The following SNRPN variants were observed in gnomAD, a reference collection of about 807,000 sequenced individuals.
SNRPN encodes the protein small nuclear ribonucleoprotein-associated protein N.
In SNRPN, 7 loss-of-function variants were observed where a neutral mutation model predicts 25.2. That is an observed-to-expected ratio of 0.28 (90% confidence interval 0.16 to 0.52). SNRPN has a LOEUF of 0.52. Ranked by LOEUF, SNRPN falls within the 20% of genes least tolerant of loss-of-function variation. SNRPN has a pLI of 0.96. For missense variants in SNRPN, 196 were observed against 322.5 expected (o/e 0.61, Z 3.00); for synonymous variants, 124 against 110.6 (o/e 1.12, Z -0.76).
chr15:24,871,656 T>C (rs1326895851), intron 1 of SNRPN, among the ~76,000 whole-genome samples: 1 of 151,978 alleles, frequency 6.6e-6, no homozygotes, highest in Non-Finnish European at 1.5e-5. Flanking sequence ...GACAATCTTT[T>C]ATATATTCTG....
intron 3 of SNRPN, among the ~76,000 whole-genome samples, chr15:24,948,342 G>A (rs2153174033): frequency 6.6e-6 from 1 of 152,174 alleles, no homozygotes; most frequent in Non-Finnish European, 1.5e-5. Context: ...TGAATCTCCT[G>A]ACCTCGTGAT....
chr15:24,837,536 T>C (rs1254694595), intron 2 of SNRPN, among the ~76,000 whole-genome samples: 3 of 151,222 alleles, frequency 2.0e-5, no homozygotes, highest in African/African-American at 4.9e-5. Context: ...GCCTGGCTAA[T>C]TTTTTTGTAT....
intron 3 of SNRPN, among the ~76,000 whole-genome samples, chr15:24,940,708 G>T (rs2061498854): frequency 1.3e-5 from 2 of 152,228 alleles, no homozygotes; most frequent in African/African-American, 4.8e-5. Context: ...GCTGTAGGCG[G>T]TGTCTAAGGC....
chr15:24,938,975 A>G (rs1400974554), intron 3 of SNRPN, among the ~76,000 whole-genome samples: 1 of 152,180 alleles, frequency 6.6e-6, no homozygotes, highest in Non-Finnish European at 1.5e-5. Context: ...TGGGAAGGAC[A>G]TTCTCTCCCA....
chr15:24,939,241 G>T lies in SNRPN; in HGVS notation c.-391+19117G>T, dbSNP rs72693701. On this transcript the variant is annotated intron_variant, in intron 3 of 11. Transcript: ENST00000400097. ...TCCTCTGGTCTTCACCATGACTTAC[G>T]TTCTGTTTCTTCTGTGTTTTATAGT... Among the ~76,000 whole-genome samples, 148 of 152,120 alleles carry T rather than the reference G, an allele frequency of 9.7e-4. 1 individual carries two copies. The highest frequency in any genetic ancestry group is 1.9e-3 in the South Asian group (9 of 4,828).
chr15:24,890,321 T>C (rs1467907036), intron 2 of SNRPN, among the ~76,000 whole-genome samples: 1 of 152,048 alleles, frequency 6.6e-6, no homozygotes, highest in Non-Finnish European at 1.5e-5. Flanking sequence ...TCTCCCCAGG[T>C]AATTACTATT....
intron 2 of SNRPN, among the ~76,000 whole-genome samples, chr15:24,916,925 G>A (rs941487361): frequency 3.9e-5 from 6 of 152,182 alleles, no homozygotes; most frequent in Non-Finnish European, 5.9e-5. Flanking sequence ...CCACAGCATA[G>A]AAGCAGACTG....
At chr15:24,957,823 A>G (rs1243586783) in intron 1 of SNRPN, among the ~76,000 whole-genome samples, 4 of 152,096 alleles carry the variant, frequency 2.6e-5, no homozygotes, top group Non-Finnish European at 5.9e-5. Flanking sequence ...TTGCAAGCTG[A>G]GTATTTAGTC....
At chr15:24,879,932 G>A (rs2056414501) in intron 1 of SNRPN, among the ~76,000 whole-genome samples, 1 of 152,118 alleles carries the variant, frequency 6.6e-6, no homozygotes, top group Non-Finnish European at 1.5e-5. Flanking sequence ...TCACACTTGG[G>A]CTGTTGGAGA....
chr15:24,977,955 T>TAGA, intron 8 of SNRPN, 39 bp downstream of exon 8: 3 of 1,507,174 alleles, frequency 2.0e-6, no homozygotes, highest in Non-Finnish European at 2.7e-6. Context: ...CTTGAATCTC[T>TAGA]GATGAGAGAT....
Position 24,978,433 on chromosome 15 carries a change from C to T in SNRPN, c.712C>T (p.Pro238Ser), listed in dbSNP as rs2153723319. Residue 238 changes from proline to serine, a missense_variant, in exon 10 of 10, where the codon CCA becomes TCA. Pro to Ser is a moderately conservative substitution (Grantham distance 74). Transcript: ENST00000390687. ...TCCACCTCCCCCAGGAATGCGTCCA[C>T]CAAGACCTTAGCATACTGTTGATCC... ...RGPPPPGMRP[P>S]RP The T allele has an allele frequency of 6.2e-7, 1 of 1,613,856 alleles. No individual in the cohort carries two copies. Among genetic ancestry groups the T allele is most frequent in the Non-Finnish European group, 8.5e-7 (1 of 1,179,940 alleles).
intron 1 of SNRPN, among the ~76,000 whole-genome samples, chr15:24,961,260 C>T (rs558986711): frequency 1.1e-4 from 16 of 152,200 alleles, no homozygotes; most frequent in Admixed American, 2.0e-4. Context: ...AACAGCTGTG[C>T]GTTATTGGTA....
chr15:24,889,316 T>C (rs1424587572), intron 2 of SNRPN, among the ~76,000 whole-genome samples: 1 of 151,920 alleles, frequency 6.6e-6, no homozygotes, highest in Admixed American at 6.6e-5. Flanking sequence ...TATTTTTTTA[T>C]TTTTGAGACG....
At chr15:24,862,078 G>A in intron 1 of SNRPN, among the ~76,000 whole-genome samples, 1 of 150,888 alleles carries the variant, frequency 6.6e-6, no homozygotes, top group Non-Finnish European at 1.5e-5. Context: ...ATGACAGCGG[G>A]TTGCAGCGCA....
At chr15:24,972,760 G>A (rs2076585097) in intron 3 of SNRPN, among the ~76,000 whole-genome samples, 1 of 151,086 alleles carries the variant, frequency 6.6e-6, no homozygotes, top group Admixed American at 6.6e-5. Context: ...GGAGAAAAGG[G>A]AAACATTATG....
chr15:24,930,625 C>T (rs2060770369), intron 3 of SNRPN, among the ~76,000 whole-genome samples: 1 of 147,122 alleles, frequency 6.8e-6, no homozygotes, highest in African/African-American at 2.5e-5. Flanking sequence ...GGTGCAGTGG[C>T]TCACGCCTGT....
intron 1 of SNRPN, among the ~76,000 whole-genome samples, chr15:24,868,636 A>G (rs2148560992): frequency 6.6e-6 from 1 of 152,312 alleles, no homozygotes; most frequent in Non-Finnish European, 1.5e-5. Context: ...TTGCTGTGTC[A>G]GATCTTCTCC....
At chr15:24,918,127 C>A (rs766016247) in intron 2 of SNRPN, among the ~76,000 whole-genome samples, 22 of 151,666 alleles carry the variant, frequency 1.5e-4, no homozygotes, top group Non-Finnish European at 3.2e-4. Flanking sequence ...AAGTACGTAT[C>A]TGTATGTGCA....
chr15:24,883,210 C>T (rs1595682363), intron 1 of SNRPN, among the ~76,000 whole-genome samples: 1 of 152,212 alleles, frequency 6.6e-6, no homozygotes, highest in Non-Finnish European at 1.5e-5. Flanking sequence ...AAACCAGCGG[C>T]TTTGCAGCCA....
Sources: allele counts gnomAD v4.1 joint callset (sites outside exome capture counted in the v4.1 genomes callset), GRCh38; gene constraint gnomAD v4.1.1; transcripts MANE v1.5; gene names NCBI Gene and HGNC (gene_info 2026-07-23, HGNC 2026-07-21).